Variants in PTH1R observed in about 807,000 individuals in gnomAD.
PTH1R encodes the protein parathyroid hormone/parathyroid hormone-related peptide receptor.
PTH1R carries 32 observed loss-of-function variants against 70.7 expected under a neutral mutation model. The ratio of observed to expected loss-of-function variants is 0.45; its 90% CI spans 0.34 to 0.61. PTH1R has a LOEUF of 0.61. Among genes scored for constraint, PTH1R ranks in the 20% least tolerant of loss-of-function variants. The probability of loss-of-function intolerance (pLI) is 0.01; values close to 1 mark genes in which losing one functional copy is unlikely to be tolerated. For missense variants in PTH1R, 626 were observed against 792.5 expected, an observed-to-expected ratio of 0.79 and a Z score of 2.52; for synonymous variants, 329 against 324.8, an observed-to-expected ratio of 1.01 and a Z score of -0.14.
In PTH1R at chr3:46,902,853, G is replaced by A. The variant is rs1383068806; in HGVS notation, c.1395+63G>A. ...GCAGATACCCCAGAGGCTTCCTCAA[G>A]GCTCATTTCTCCATTCTTCCACCCT... is the stretch of plus-strand genomic sequence containing the variant. On this transcript the variant is annotated intron_variant, in intron 15 of 15. Transcript: ENST00000449590. This position sits in a 1 kb window ranked among gnomAD's most constrained non-coding sequence, Gnocchi z 5.4. 2 of 1,594,472 alleles carry A rather than the reference G, an allele frequency of 1.3e-6. No individual in the cohort carries two copies. The highest frequency in any genetic ancestry group is 1.1e-5 in the South Asian group (1 of 90,664).
At chr3:46,885,665 G>A (rs2030969953) in intron 3 of PTH1R, among the ~76,000 whole-genome samples, 1 of 152,230 alleles carries the variant, frequency 6.6e-6, no homozygotes. Flanking sequence ...CCAGGACCTT[G>A]TTGGGGCATG....
intron 10 of PTH1R, 124 bp downstream of exon 10, chr3:46,899,580 G>T: frequency 8.0e-7 from 1 of 1,253,598 alleles, no homozygotes; most frequent in Non-Finnish European, 1.1e-6. Flanking sequence ...CAGCAGGAGA[G>T]AGGCCTGCCG....
In PTH1R at chr3:46,883,385, G is replaced by T; in HGVS notation, c.-48-127G>T. 6.2e-6 allele frequency: 1 copy of T among 162,032 alleles called. No individual in the cohort carries two copies. The highest frequency in any genetic ancestry group is 1.2e-5 in the Non-Finnish European group (1 of 80,172). 10.0% of individuals were successfully genotyped at this position (162,032 alleles called of 1,614,324 possible). On this transcript the variant is annotated intron_variant, in intron 2 of 15. Transcript: ENST00000449590. This position sits in a 1 kb window ranked among gnomAD's most constrained non-coding sequence, Gnocchi z 6.4. Reference sequence around the variant, plus strand: ...TGCTCGCTCGCTCGCTCGCTCGCTCGCCCTCAGCGCATGGGCCCCGCGCCG... The same window carrying T: ...TGCTCGCTCGCTCGCTCGCTCGCTCTCCCTCAGCGCATGGGCCCCGCGCCG...
rs538236563 is a variant in PTH1R, at chr3:46,891,907, C to T, written c.76-2000C>T. 6.7e-4 allele frequency among the ~76,000 whole-genome samples: 102 copies of T among 152,092 alleles called. No individual in the cohort carries two copies. The highest frequency in any genetic ancestry group is 2.4e-3 in the African/African-American group (98 of 41,456). ...TGGTTATTGATGGAGGTACTAGCAG[C>T]AACGATGGAAATGGTAGTTAATGGG... On this transcript the variant is annotated intron_variant, in intron 3 of 15. Transcript: ENST00000449590. This position sits in a 1 kb window ranked among gnomAD's most constrained non-coding sequence, Gnocchi z 4.3.
Position 46,877,794 on chromosome 3 carries a change from G to C in PTH1R, c.-155G>C, listed in dbSNP as rs1243046460. ...TCCATGGCCTCCCCGTGGCCAACTTGAGTCTGCTCTGCAGCTTTAGGCCCG... is the reference window on the plus strand; with the variant it reads ...TCCATGGCCTCCCCGTGGCCAACTTCAGTCTGCTCTGCAGCTTTAGGCCCG... On this transcript the variant is annotated 5_prime_UTR_variant, in exon 1 of 16. The change abolishes the stop of an existing upstream ORF in the 5' untranslated region. Coordinates refer to ENST00000449590, the MANE Select transcript of PTH1R (RefSeq NM_000316.3). The C allele has an allele frequency of 6.6e-6, 1 of 152,276 alleles. No homozygotes were observed. The highest frequency in any genetic ancestry group is 1.9e-4 in the East Asian group (1 of 5,198). 9.4% of individuals were successfully genotyped at this position (152,276 alleles called of 1,614,324 possible). A position where few individuals can be genotyped will look rare whatever the true frequency, so the allele number is the denominator to read the frequency against.
rs980044555 is a variant in PTH1R at position 46,901,254 on chromosome 3, C to T, written c.1050-160C>T. On this transcript the variant is annotated intron_variant, in intron 11 of 15. Coordinates refer to ENST00000449590, the MANE Select transcript of PTH1R (RefSeq NM_000316.3). The surrounding 1 kb of genome is among the most constrained non-coding windows in gnomAD (Gnocchi z 7.3). ...CCCTCAGGGTCACAGGAGGCTACTT[C>T]CAAAGAGGCCTGTGAGGGAGGCCTC... Among the ~76,000 whole-genome samples, 5 of 152,184 alleles carry T rather than the reference C, an allele frequency of 3.3e-5. No homozygotes were observed. Among genetic ancestry groups the T allele is most frequent in the African/African-American group, 1.2e-4 (5 of 41,444 alleles).
chr3:46,889,859 G>A (rs2031294311), intron 3 of PTH1R, among the ~76,000 whole-genome samples: 1 of 152,160 alleles, frequency 6.6e-6, no homozygotes, highest in Non-Finnish European at 1.5e-5. Context: ...CTGGATCTAA[G>A]GGGACGCAAG....
chr3:46,879,490 C>T lies in PTH1R; in HGVS notation c.-105-1572C>T, dbSNP rs2106939409. The stretch of plus-strand genomic sequence containing the variant: ...AGGTGCGGTGGTTCATGCCTGTAAT[C>T]CCAGCACTTTGGGAGGCCGAGGCAG... On this transcript the variant is annotated intron_variant, in intron 1 of 15. Transcript: ENST00000449590. The surrounding 1 kb of genome is among the most constrained non-coding windows in gnomAD (Gnocchi z 4.7). Among the ~76,000 whole-genome samples, 1 of 152,288 alleles carries T rather than the reference C, an allele frequency of 6.6e-6. No individual in the cohort carries two copies. Among genetic ancestry groups the T allele is most frequent in the South Asian group, 2.1e-4 (1 of 4,830 alleles).
At chr3:46,886,462 G>T in intron 3 of PTH1R, among the ~76,000 whole-genome samples, 1 of 152,054 alleles carries the variant, frequency 6.6e-6, no homozygotes, top group Non-Finnish European at 1.5e-5. Context: ...GGTTCACGCC[G>T]TTCTCCTGCC....
At chr3:46,878,973 C>T (rs186567865) in intron 1 of PTH1R, among the ~76,000 whole-genome samples, 265 of 152,346 alleles carry the variant, frequency 1.7e-3, no homozygotes, top group Non-Finnish European at 2.2e-3. Context: ...CAGAAACTGA[C>T]TCTGAGCCCC....
chr3:46,883,683 A>C lies in PTH1R; in HGVS notation c.75+49A>C. ...CCGGGACAGGCTGCGGGCTTACCCT[A>C]GGGTCCGCGGGATAGGTCTAAGGCA... On this transcript the variant is annotated intron_variant, in intron 3 of 15. Coordinates refer to ENST00000449590, the MANE Select transcript of PTH1R (RefSeq NM_000316.3). This position sits in a 1 kb window ranked among gnomAD's most constrained non-coding sequence, Gnocchi z 6.4. The C allele has an allele frequency of 6.5e-7, 1 of 1,542,054 alleles. No homozygotes were observed.
At chr3:46,895,639 C>T (rs977875661) in intron 4 of PTH1R, 96 bp from the exon 5 acceptor site, 4 of 1,591,374 alleles carry the variant, frequency 2.5e-6, no homozygotes, top group Non-Finnish European at 3.4e-6. Context: ...AGACAACCCC[C>T]CCATTGTACA....
chr3:46,894,087 G>T, intron 4 of PTH1R, 78 bp downstream of exon 4: 6 of 1,466,364 alleles, frequency 4.1e-6, no homozygotes, highest in Non-Finnish European at 5.7e-6. Flanking sequence ...CCAGGATACA[G>T]AGCCAGGTGA....
rs1350511737 is a variant in PTH1R at position 46,882,488 on chromosome 3, G to A, written c.-48-1024G>A. 6.6e-6 allele frequency: 1 copy of A among 151,284 alleles called. No individual in the cohort carries two copies. Among genetic ancestry groups the A allele is most frequent in the East Asian group, 2.0e-4 (1 of 5,072 alleles). 9.4% of individuals were successfully genotyped at this position (151,284 alleles called of 1,614,324 possible). ...GAGTAAGTCGGGGCTGGGGACCCGC[G>A]CCGAGGGGAAGTGGCCGGAGTCGGG... is the stretch of plus-strand genomic sequence containing the variant. On this transcript the variant is annotated intron_variant, in intron 2 of 15. Transcript: ENST00000449590. This position sits in a 1 kb window ranked among gnomAD's most constrained non-coding sequence, Gnocchi z 4.3.
chr3:46,900,690 C>T (rs1003209407), intron 10 of PTH1R, among the ~76,000 whole-genome samples: 29 of 152,062 alleles, frequency 1.9e-4, no homozygotes, highest in African/African-American at 6.8e-4. Flanking sequence ...AGCTGCAAGT[C>T]CAAAGCAGTG....
rs1413303381 is a variant in PTH1R at position 46,884,955 on chromosome 3, C to T, written c.75+1321C>T. Reference sequence around the variant, plus strand: ...TCTGGCCCCAGCAAAGGCTCCCCACCAAAGACAGCCCCATACAAGGCCTTG... The same window carrying T: ...TCTGGCCCCAGCAAAGGCTCCCCACTAAAGACAGCCCCATACAAGGCCTTG... On this transcript the variant is annotated intron_variant, in intron 3 of 15. Coordinates refer to ENST00000449590, the MANE Select transcript of PTH1R (RefSeq NM_000316.3). This position sits in a 1 kb window ranked among gnomAD's most constrained non-coding sequence, Gnocchi z 4.8. 6.6e-6 allele frequency among the ~76,000 whole-genome samples: 1 copy of T among 152,182 alleles called. No individual in the cohort carries two copies. The highest frequency in any genetic ancestry group is 2.4e-5 in the African/African-American group (1 of 41,428).
rs762544748 is a variant in PTH1R, at chr3:46,898,469, T to C, written c.635T>C (p.Phe212Ser). ...LTVAVLILAYFRRLHCTRNYI... is the reference protein window; with the variant it reads ...LTVAVLILAYSRRLHCTRNYI... Reference sequence around the variant, plus strand: ...GTAGCTGTGCTCATCCTGGCCTACTTTAGGTGGGCGGGGCGGGGCGAGAGG... The same window carrying C: ...GTAGCTGTGCTCATCCTGGCCTACTCTAGGTGGGCGGGGCGGGGCGAGAGG... Residue 212 changes from phenylalanine (F) to serine (S), a missense_variant, in exon 8 of 16, where the codon TTT becomes TCT. Phe to Ser is a radical substitution (Grantham distance 155). Transcript: ENST00000449590. The C allele has an allele frequency of 6.2e-7, 1 of 1,613,814 alleles. No individual in the cohort carries two copies. Among genetic ancestry groups the C allele is most frequent in the East Asian group, 2.2e-5 (1 of 44,846 alleles).
At position 46,903,773 on chromosome 3, in the gene PTH1R, GAAAAAA is replaced by G. The variant is rs142021243; in HGVS notation, c.*122_*127del. The G allele has an allele frequency of 4.4e-6, 6 of 1,354,836 alleles. No individual in the cohort carries two copies. The highest frequency in any genetic ancestry group is 2.5e-5 in the East Asian group (1 of 40,432). 83.9% of individuals were successfully genotyped at this position (1,354,836 alleles called of 1,614,324 possible). A position where few individuals can be genotyped will look rare whatever the true frequency, so the allele number is the denominator to read the frequency against. On this transcript the variant is annotated 3_prime_UTR_variant, in exon 16 of 16. Coordinates refer to ENST00000449590, the MANE Select transcript of PTH1R (RefSeq NM_000316.3). The surrounding 1 kb of genome is among the most constrained non-coding windows in gnomAD (Gnocchi z 4.4). The stretch of plus-strand genomic sequence containing the variant: ...CCAAGAGGAAAAACAGGGAAAAAAA[GAAAAAA>G]AAAAGAAAAAGGAAAAGGAAGCGGT...
intron 3 of PTH1R, among the ~76,000 whole-genome samples, chr3:46,886,603 C>G (rs1389756491): frequency 6.6e-6 from 1 of 152,112 alleles, no homozygotes; most frequent in Non-Finnish European, 1.5e-5. Context: ...GTGATCCGCC[C>G]GCCTCGGCCT....
Sources: allele counts gnomAD v4.1 joint callset (sites outside exome capture counted in the v4.1 genomes callset), GRCh38; gene constraint gnomAD v4.1.1; non-coding constraint Gnocchi (gnomAD v3.1); transcripts MANE v1.5; gene names NCBI Gene and HGNC (gene_info 2026-07-23, HGNC 2026-07-21).